RBMS3: variants seen among roughly 807,000 people sequenced by gnomAD.
The protein encoded by RBMS3 is RNA binding motif single stranded interacting protein 3, also known as RNA-binding motif, single-stranded-interacting protein 3.
A neutral mutation model predicts 66.8 loss-of-function variants in RBMS3; 27 were observed. The ratio of observed to expected loss-of-function variants is 0.40; its 90% confidence interval spans 0.30 to 0.56. The LOEUF is 0.56. Among genes scored for constraint, RBMS3 ranks in the 20% least tolerant of loss-of-function variants. RBMS3 has a pLI of 0.40. For synonymous variants in RBMS3, 188 were observed against 183.0 expected (o/e 1.03, Z -0.22); for missense variants, 513 against 549.5 (o/e 0.93, Z 0.66).
At chr3:29,419,710 G>A (rs187995371) in intron 1 of RBMS3, among the ~76,000 whole-genome samples, 18 of 152,246 alleles carry the variant, frequency 1.2e-4, no homozygotes, top group South Asian at 4.1e-4. Flanking sequence ...TCCATTATTC[G>A]CCAAAGTGTT....
chr3:29,829,484 C>T (rs1281635560), intron 6 of RBMS3, among the ~76,000 whole-genome samples: 1 of 152,152 alleles, frequency 6.6e-6, no homozygotes, highest in Non-Finnish European at 1.5e-5. Context: ...CTTCCTCTCA[C>T]CTAACTTAAA....
At chr3:29,284,108 G>A (rs1353989122) in intron 1 of RBMS3, among the ~76,000 whole-genome samples, 1 of 152,052 alleles carries the variant, frequency 6.6e-6, no homozygotes, top group East Asian at 1.9e-4. Context: ...AGTACATGCT[G>A]CTTATATTTA....
At chr3:29,730,612 T>C (rs2054089140) in intron 4 of RBMS3, among the ~76,000 whole-genome samples, 1 of 152,182 alleles carries the variant, frequency 6.6e-6, no homozygotes, top group Non-Finnish European at 1.5e-5. Flanking sequence ...GGCATCATAG[T>C]CTTTATCGAT....
chr3:29,780,778 A>G (rs2149409236), intron 6 of RBMS3, among the ~76,000 whole-genome samples: 1 of 152,256 alleles, frequency 6.6e-6, no homozygotes, highest in Non-Finnish European at 1.5e-5. Context: ...TCCTTATAAT[A>G]CATCTTATCT....
chr3:29,376,033 C>CA, intron 1 of RBMS3, among the ~76,000 whole-genome samples: 2 of 152,052 alleles, frequency 1.3e-5, no homozygotes, highest in Non-Finnish European at 2.9e-5. Context: ...AGATCATGTC[C>CA]TTTGCAGGGA....
chr3:29,524,576 A>G (rs951839193), intron 3 of RBMS3, among the ~76,000 whole-genome samples: 28 of 151,668 alleles, frequency 1.8e-4, no homozygotes, highest in Non-Finnish European at 1.8e-4. Context: ...TACAGGTGCG[A>G]ACCACTGCGC....
At chr3:29,284,413 C>T (rs1189583174) in intron 1 of RBMS3, among the ~76,000 whole-genome samples, 1 of 152,048 alleles carries the variant, frequency 6.6e-6, no homozygotes, top group Non-Finnish European at 1.5e-5. Context: ...ATGTTTATTA[C>T]TACATTATTT....
chr3:29,812,568 A>C (rs531924898), intron 6 of RBMS3, among the ~76,000 whole-genome samples: 55 of 152,306 alleles, frequency 3.6e-4, no homozygotes, highest in African/African-American at 1.0e-3. Flanking sequence ...CAAAAGCAGG[A>C]GATTGCTGCT....
chr3:29,350,672 G>A (rs4129221), intron 1 of RBMS3, among the ~76,000 whole-genome samples: 34,900 of 151,922 alleles, frequency 0.23, 4,432 homozygotes, highest in Non-Finnish European at 0.28. Flanking sequence ...TCAGCATCGC[G>A]AATATGGAGT....
intron 2 of RBMS3, among the ~76,000 whole-genome samples, chr3:29,460,500 T>C (rs2042337049): frequency 6.6e-6 from 1 of 152,102 alleles, no homozygotes; most frequent in Non-Finnish European, 1.5e-5. Context: ...GTATCTGGGG[T>C]GAGGTCTATG....
At chr3:29,298,059 A>G (rs2033404404) in intron 1 of RBMS3, among the ~76,000 whole-genome samples, 1 of 151,808 alleles carries the variant, frequency 6.6e-6, no homozygotes, top group Non-Finnish European at 1.5e-5. Flanking sequence ...ATCTTCCTCC[A>G]ATTACCATGA....
At chr3:29,662,584 T>G (rs956871783) in intron 4 of RBMS3, among the ~76,000 whole-genome samples, 13 of 152,168 alleles carry the variant, frequency 8.5e-5, no homozygotes, top group Admixed American at 7.9e-4. Context: ...TCCAACACTA[T>G]GAGAAAACTG....
chr3:29,498,326 T>G (rs997705862), intron 3 of RBMS3, among the ~76,000 whole-genome samples: 1 of 152,084 alleles, frequency 6.6e-6, no homozygotes, highest in African/African-American at 2.4e-5. Context: ...AGAGTACTTA[T>G]TTTGTTAATG....
chr3:29,559,071 T>TA (rs1276004423), intron 3 of RBMS3, among the ~76,000 whole-genome samples: 2 of 152,090 alleles, frequency 1.3e-5, no homozygotes, highest in African/African-American at 4.8e-5. Context: ...AGAAAGTGGT[T>TA]AAAAAAGGAA....
intron 3 of RBMS3, among the ~76,000 whole-genome samples, chr3:29,521,753 G>C (rs1049597932): frequency 6.6e-6 from 1 of 152,140 alleles, no homozygotes; most frequent in Non-Finnish European, 1.5e-5. Context: ...TTTTTCAGTA[G>C]AGGAAACTGA....
intron 12 of RBMS3, among the ~76,000 whole-genome samples, chr3:29,952,929 G>T (rs191650560): frequency 2.0e-5 from 3 of 151,872 alleles, no homozygotes; most frequent in African/African-American, 7.2e-5. Flanking sequence ...ATGAAGATTT[G>T]GTAAAAATTA....
intron 7 of RBMS3, among the ~76,000 whole-genome samples, chr3:29,874,405 C>T (rs374531725): frequency 6.6e-6 from 1 of 152,130 alleles, no homozygotes; most frequent in Non-Finnish European, 1.5e-5. Context: ...GTAAGGGCAT[C>T]ATCTACATAG....
chr3:29,658,937 C>T (rs987421193), intron 4 of RBMS3, among the ~76,000 whole-genome samples: 1 of 152,220 alleles, frequency 6.6e-6, no homozygotes, highest in Non-Finnish European at 1.5e-5. Context: ...ATTCTACTGC[C>T]TCAGCCTCCC....
intron 4 of RBMS3, among the ~76,000 whole-genome samples, chr3:29,712,729 T>C (rs570345759): frequency 2.0e-5 from 3 of 152,252 alleles, no homozygotes; most frequent in South Asian, 2.1e-4. Flanking sequence ...AAAGGGTAAA[T>C]TGGCTCCCTT....
Sources: gnomAD v4.1 joint callset for allele counts (sites outside exome capture counted in the v4.1 genomes callset) on GRCh38, gnomAD v4.1.1 for gene constraint, MANE v1.5 for transcripts, NCBI Gene and HGNC (gene_info 2026-07-23, HGNC 2026-07-21) for gene names.